RBFOX1: variants seen among roughly 807,000 people sequenced by gnomAD.
The protein encoded by RBFOX1 is RNA binding protein fox-1 homolog 1.
A neutral mutation model predicts 57.7 loss-of-function variants in RBFOX1; 8 were observed. That is an observed-to-expected ratio of 0.14 (90% CI 0.08 to 0.25). The LOEUF (loss-of-function observed/expected upper bound fraction) is 0.25, where lower values mean the gene tolerates loss of function less well. RBFOX1 is among the 10% of genes least tolerant of loss of function. The probability of loss-of-function intolerance (pLI) is 1.00; values close to 1 mark genes in which losing one functional copy is unlikely to be tolerated. For missense variants in RBFOX1, 611 were observed against 548.5 expected (o/e 1.11, Z -1.14); for synonymous variants, 326 against 222.4 (o/e 1.47, Z -4.15).
At chr16:7,001,563 G>C in intron 3 of RBFOX1, among the ~76,000 whole-genome samples, 1 of 151,948 alleles carries the variant, frequency 6.6e-6, no homozygotes, top group East Asian at 1.9e-4. Context: ...TTCAAGTGAT[G>C]CTCCTACATC....
chr16:5,419,668 C>T (rs1296411484), intron 1 of RBFOX1, among the ~76,000 whole-genome samples: 1 of 152,062 alleles, frequency 6.6e-6, no homozygotes, highest in Non-Finnish European at 1.5e-5. Context: ...GGTGAGACAT[C>T]ACTCCCATGG....
intron 1 of RBFOX1, among the ~76,000 whole-genome samples, chr16:5,377,226 C>G (rs977311952): frequency 6.6e-6 from 1 of 151,422 alleles, no homozygotes. Context: ...CCCCCACGCA[C>G]AGCAAGTATG....
intron 1 of RBFOX1, among the ~76,000 whole-genome samples, chr16:6,246,753 C>T (rs2097571296): frequency 6.6e-6 from 1 of 152,186 alleles, no homozygotes; most frequent in South Asian, 2.1e-4. Context: ...CTGCCGCGGT[C>T]TCTATCTTGT....
chr16:6,636,672 T>C (rs1042545500), intron 2 of RBFOX1, among the ~76,000 whole-genome samples: 1 of 149,520 alleles, frequency 6.7e-6, no homozygotes, highest in African/African-American at 2.5e-5. Context: ...CCGAGCTACA[T>C]CACATAAACA....
intron 3 of RBFOX1, among the ~76,000 whole-genome samples, chr16:5,814,573 A>T (rs190528149): frequency 6.6e-6 from 1 of 152,356 alleles, no homozygotes; most frequent in Admixed American, 6.5e-5. Context: ...TCATGAAAGT[A>T]GTCAGCGGTA....
At chr16:7,195,847 C>A (rs543643681) in intron 4 of RBFOX1, among the ~76,000 whole-genome samples, 9 of 152,216 alleles carry the variant, frequency 5.9e-5, no homozygotes, top group African/African-American at 2.2e-4. Context: ...ACCACTGTGC[C>A]CAGCTCGATG....
At chr16:5,761,877 T>A (rs2053607493) in intron 3 of RBFOX1, among the ~76,000 whole-genome samples, 1 of 152,006 alleles carries the variant, frequency 6.6e-6, no homozygotes, top group Non-Finnish European at 1.5e-5. Context: ...TCATCCTAGG[T>A]CTGGTCCTTA....
chr16:6,105,895 A>T (rs2096372474), intron 1 of RBFOX1, among the ~76,000 whole-genome samples: 1 of 152,114 alleles, frequency 6.6e-6, no homozygotes, highest in African/African-American at 2.4e-5. Flanking sequence ...GTCATTAAAT[A>T]TTCTTCAAAA....
At chr16:7,706,437 C>A (rs961554279) in intron 14 of RBFOX1, among the ~76,000 whole-genome samples, 2 of 152,134 alleles carry the variant, frequency 1.3e-5, no homozygotes, top group African/African-American at 4.8e-5. Flanking sequence ...TGAAACTATG[C>A]CCAGCGTTAT....
intron 3 of RBFOX1, among the ~76,000 whole-genome samples, chr16:6,713,156 G>A (rs910781462): frequency 6.6e-6 from 1 of 151,998 alleles, no homozygotes; most frequent in Admixed American, 6.6e-5. Flanking sequence ...GGACTAATAT[G>A]CCAATCTTTT....
At position 5,817,568 on chromosome 16, in the gene RBFOX1, C is replaced by A. The variant is rs74004621; in HGVS notation, c.319-49735C>A. On this transcript the variant is annotated intron_variant, in intron 3 of 19. Coordinates refer to the RBFOX1 transcript ENST00000641259. ...TAATGTTTGGGAAGATGGCATGACA[C>A]CAAGACCCTTAGTGGGAGAAGCCCA... 6.0e-3 allele frequency among the ~76,000 whole-genome samples: 910 copies of A among 151,992 alleles called. 9 individuals carry two copies. Among genetic ancestry groups the A allele is most frequent in the African/African-American group, 0.02 (823 of 41,436 alleles).
intron 2 of RBFOX1, among the ~76,000 whole-genome samples, chr16:6,472,218 T>A (rs746313103): frequency 2.0e-5 from 3 of 152,196 alleles, no homozygotes; most frequent in Non-Finnish European, 4.4e-5. Context: ...CCCAGGTCCC[T>A]GGACAAGGGA....
intron 2 of RBFOX1, among the ~76,000 whole-genome samples, chr16:6,409,309 G>T (rs1016059465): frequency 6.6e-6 from 1 of 152,112 alleles, no homozygotes; most frequent in Non-Finnish European, 1.5e-5. Context: ...AGTTACTCAG[G>T]GGGCTGAGGC....
At chr16:5,806,800 G>C (rs1436397) in intron 3 of RBFOX1, among the ~76,000 whole-genome samples, 106,573 of 152,124 alleles carry the variant, frequency 0.7, 38,451 homozygotes, top group African/African-American at 0.89. Context: ...CACTGATGCT[G>C]TCAGCCCAGC....
intron 4 of RBFOX1, among the ~76,000 whole-genome samples, chr16:7,167,089 G>T (rs1046936098): frequency 6.9e-6 from 1 of 144,022 alleles, no homozygotes; most frequent in African/African-American, 2.6e-5. Context: ...GGGTTCAAGC[G>T]ATTCTCCTGC....
intron 10 of RBFOX1, among the ~76,000 whole-genome samples, chr16:7,626,203 G>T (rs984883783): frequency 6.6e-6 from 1 of 152,210 alleles, no homozygotes; most frequent in Admixed American, 6.5e-5. Context: ...TCACTTAGGG[G>T]GTTGGCAGCA....
chr16:6,513,682 C>G (rs554587466), intron 2 of RBFOX1, among the ~76,000 whole-genome samples: 1 of 151,976 alleles, frequency 6.6e-6, no homozygotes, highest in East Asian at 1.9e-4. Flanking sequence ...TGTAGTGAGC[C>G]GAAATCGCAC....
At chr16:5,781,275 A>C (rs2054314282) in intron 3 of RBFOX1, among the ~76,000 whole-genome samples, 1 of 152,160 alleles carries the variant, frequency 6.6e-6, no homozygotes, top group African/African-American at 2.4e-5. Flanking sequence ...GTACAGTTTC[A>C]ATTTGCTTAG....
intron 3 of RBFOX1, among the ~76,000 whole-genome samples, chr16:7,031,057 G>A (rs1348309474): frequency 1.3e-5 from 2 of 152,194 alleles, no homozygotes; most frequent in East Asian, 1.9e-4. Context: ...TGATGCTGAT[G>A]CTGCTTCTTC....
Sources: allele counts gnomAD v4.1 joint callset (sites outside exome capture counted in the v4.1 genomes callset), GRCh38; gene constraint gnomAD v4.1.1; transcripts MANE v1.5; gene names NCBI Gene and HGNC (gene_info 2026-07-23, HGNC 2026-07-21).